The following SFT2D1 variants were observed in gnomAD, a reference collection of about 807,000 sequenced individuals.
SFT2D1 encodes the protein vesicle transport protein SFT2A.
SFT2D1 carries 24 observed loss-of-function variants against 28.1 expected under a neutral mutation model. The observed-to-expected ratio is 0.85, with a 90% confidence interval of 0.62 to 1.20. The LOEUF is 1.20. SFT2D1 is among the 50% of genes most tolerant of loss of function. The probability of loss-of-function intolerance (pLI) is 0.00; values close to 1 mark genes in which losing one functional copy is unlikely to be tolerated. For synonymous variants in SFT2D1, 82 were observed against 73.7 expected (o/e 1.11, Z -0.58); for missense variants, 181 against 190.9 (o/e 0.95, Z 0.31).
Position 166,326,712 on chromosome 6 carries a change from C to T in SFT2D1, c.316-545G>A, listed in dbSNP as rs537546035. On this transcript the variant is annotated intron_variant, in intron 4 of 7. Transcript: ENST00000361731. Reference sequence around the variant, plus strand: ...CAGCCTCTTCACCACCATTACTAGGCGTGATCTTACGTGGGCAGCAAATCA... The same window carrying T: ...CAGCCTCTTCACCACCATTACTAGGTGTGATCTTACGTGGGCAGCAAATCA... 3.9e-5 allele frequency among the ~76,000 whole-genome samples: 6 copies of T among 152,334 alleles called. No individual in the cohort carries two copies. In the South Asian group the frequency reaches 8.3e-4, roughly 21 times the overall value.
chr6:166,321,325 T>C (rs1778351581), intron 7 of SFT2D1, among the ~76,000 whole-genome samples: 1 of 152,202 alleles, frequency 6.6e-6, no homozygotes, highest in South Asian at 2.1e-4. Flanking sequence ...TGCTTATTGC[T>C]CTCGAGTGTG....
intron 7 of SFT2D1, among the ~76,000 whole-genome samples, chr6:166,322,183 G>T (rs528301525): frequency 2.0e-5 from 3 of 151,654 alleles, no homozygotes; most frequent in Non-Finnish European, 2.9e-5. Flanking sequence ...GCACCCAGCC[G>T]TAACTTCCTT....
chr6:166,336,282 G>T (rs780594844), intron 1 of SFT2D1, among the ~76,000 whole-genome samples: 19 of 152,218 alleles, frequency 1.2e-4, no homozygotes, highest in Middle Eastern at 3.4e-3. Flanking sequence ...TTACTGTTGT[G>T]ACCTGAAGTT....
chr6:166,333,231 C>T (rs1778583323), intron 1 of SFT2D1, among the ~76,000 whole-genome samples: 1 of 152,198 alleles, frequency 6.6e-6, no homozygotes, highest in South Asian at 2.1e-4. Context: ...CTGCTGGGGT[C>T]CACACTTTCT....
intron 7 of SFT2D1, among the ~76,000 whole-genome samples, chr6:166,320,784 T>G (rs1778338809): frequency 6.6e-6 from 1 of 151,886 alleles, no homozygotes. Flanking sequence ...CCCAAAATGC[T>G]GGGATTACAG....
At chr6:166,335,651 C>T (rs190058423) in intron 1 of SFT2D1, among the ~76,000 whole-genome samples, 4 of 151,942 alleles carry the variant, frequency 2.6e-5, no homozygotes, top group Admixed American at 1.3e-4. Context: ...ACATGCTTAG[C>T]GTTCCAATAA....
intron 3 of SFT2D1, among the ~76,000 whole-genome samples, chr6:166,328,719 G>A (rs919416440): frequency 1.3e-5 from 2 of 152,216 alleles, no homozygotes; most frequent in African/African-American, 4.8e-5. Context: ...CTTGGGGGAT[G>A]CATCTATCAG....
At chr6:166,320,313 C>T (rs749924904) in intron 7 of SFT2D1, 57 bp from the exon 8 acceptor site, 31 of 1,443,410 alleles carry the variant, frequency 2.1e-5, no homozygotes, top group Middle Eastern at 4.1e-4. Context: ...AGCAAAGTTG[C>T]GCAAAATGTT....
Position 166,342,500 on chromosome 6 carries a change from T to C in SFT2D1, c.-19A>G, listed in dbSNP as rs753971497. ...TCTCCATGGCCCTGTTACAGGGCCG[T>C]AGCGGCCGCCACTCTGTTGCCTGCC... On this transcript the variant is annotated 5_prime_UTR_variant, in exon 1 of 8. Transcript: ENST00000361731. The C allele has an allele frequency of 2.6e-6, 4 of 1,543,640 alleles. No homozygotes were observed. Among genetic ancestry groups the C allele is most frequent in the East Asian group, 2.4e-5 (1 of 40,818 alleles).
chr6:166,335,540 G>A (rs1778631275), intron 1 of SFT2D1: 1 of 443,344 alleles, frequency 2.3e-6, no homozygotes, highest in Non-Finnish European at 4.3e-6. Context: ...CCATGGCACT[G>A]GCAGAAGATT....
chr6:166,340,168 G>A (rs943260872), intron 1 of SFT2D1, among the ~76,000 whole-genome samples: 2 of 152,148 alleles, frequency 1.3e-5, no homozygotes, highest in Non-Finnish European at 2.9e-5. Context: ...TTTTAAACAG[G>A]CTTTTTTGCT....
intron 7 of SFT2D1, among the ~76,000 whole-genome samples, chr6:166,320,771 C>A (rs921837791): frequency 6.6e-6 from 1 of 151,908 alleles, no homozygotes; most frequent in African/African-American, 2.4e-5. Flanking sequence ...CCCGTCTCAG[C>A]CTCCCAAAAT....
At chr6:166,324,444 C>T (rs1778407986) in intron 6 of SFT2D1, 93 bp downstream of exon 6, 20 of 1,273,144 alleles carry the variant, frequency 1.6e-5, no homozygotes, top group Non-Finnish European at 2.2e-5. Context: ...TCCAAAACAC[C>T]AGACGAAATG....
In SFT2D1 at chr6:166,334,671, G is replaced by A. The variant is rs1562446177; in HGVS notation, c.64-4424C>T. 2.2e-5 allele frequency: 5 copies of A among 231,136 alleles called. No individual in the cohort carries two copies. In the South Asian group the frequency reaches 2.6e-4, roughly 12 times the overall value. The allele number at this position is 231,136 out of a possible 1,614,324, so 14.3% of individuals were successfully genotyped here. A position where few individuals can be genotyped will look rare whatever the true frequency, so the allele number is the denominator to read the frequency against. ...AGGGCTGAGCTTTGAAACAACTGATGAGAACCTGAGAAGCCAATCTGAGCG... is the reference window on the plus strand; with the variant it reads ...AGGGCTGAGCTTTGAAACAACTGATAAGAACCTGAGAAGCCAATCTGAGCG... On this transcript the variant is annotated intron_variant, in intron 1 of 7. Coordinates refer to ENST00000361731, the MANE Select transcript of SFT2D1 (RefSeq NM_145169.3).
intron 5 of SFT2D1, among the ~76,000 whole-genome samples, chr6:166,325,305 C>A (rs542848957): frequency 1.6e-4 from 24 of 152,230 alleles, no homozygotes; most frequent in African/African-American, 5.5e-4. Context: ...TTTCTGATAG[C>A]ATTCTAAAAT....
At chr6:166,332,749 A>T (rs188305833) in intron 1 of SFT2D1, among the ~76,000 whole-genome samples, 1 of 152,348 alleles carries the variant, frequency 6.6e-6, no homozygotes, top group East Asian at 1.9e-4. Context: ...AAGAGAATAC[A>T]GGCCCTTGAG....
chr6:166,333,242 CCTT>C (rs1778583669), intron 1 of SFT2D1, among the ~76,000 whole-genome samples: 1 of 152,190 alleles, frequency 6.6e-6, no homozygotes, highest in African/African-American at 2.4e-5. Context: ...CACACTTTCT[CCTT>C]CTCATTCAGG....
intron 4 of SFT2D1, among the ~76,000 whole-genome samples, 189 bp downstream of exon 4, chr6:166,328,087 C>T (rs190024672): frequency 8.6e-4 from 131 of 151,880 alleles, no homozygotes; most frequent in Admixed American, 1.2e-3. Context: ...CGTGAGCCAC[C>T]GTGCCCGGCC....
At chr6:166,336,398 TA>T (rs1778651622) in intron 1 of SFT2D1, among the ~76,000 whole-genome samples, 1 of 152,242 alleles carries the variant, frequency 6.6e-6, no homozygotes, top group Admixed American at 6.5e-5. Flanking sequence ...TGGTACCAGA[TA>T]ACATTATAGA....
Sources: allele counts gnomAD v4.1 joint callset (sites outside exome capture counted in the v4.1 genomes callset), GRCh38; gene constraint gnomAD v4.1.1; transcripts MANE v1.5; gene names NCBI Gene and HGNC (gene_info 2026-07-23, HGNC 2026-07-21).